Variants in MYH6 observed in about 807,000 individuals in gnomAD.
The protein encoded by MYH6 is myosin heavy chain 6.
MYH6 carries 126 observed loss-of-function variants against 223.2 expected under a neutral mutation model. The ratio of observed to expected loss-of-function variants is 0.56; its 90% CI spans 0.49 to 0.65. The LOEUF is 0.65. MYH6 is among the 30% of genes least tolerant of loss of function. The probability of loss-of-function intolerance (pLI) is 0.00; values close to 1 mark genes in which losing one functional copy is unlikely to be tolerated. For missense variants in MYH6, 2,040 were observed against 2,536.4 expected, an observed-to-expected ratio of 0.80 and a Z score of 4.20; for synonymous variants, 978 against 1,010.2, an observed-to-expected ratio of 0.97 and a Z score of 0.61.
rs570619225 is a variant in MYH6 at position 23,388,465 on chromosome 14, G to A, written c.4176-127C>T. On this transcript the variant is annotated intron_variant, in intron 29 of 38. Coordinates refer to ENST00000405093, the MANE Select transcript of MYH6 (RefSeq NM_002471.4). ...CCGTAAGTCCAGCCTAGCAGGAGCT[G>A]AGCCTGCTCATGCCTGGAACAGAGT... 1.1e-5 allele frequency: 16 copies of A among 1,452,150 alleles called. No homozygotes were observed. The African/African-American group carries it at 2.1e-4, about 19-fold the overall frequency. The allele number at this position is 1,452,150 out of a possible 1,614,324, so 90.0% of individuals were successfully genotyped here. A position where few individuals can be genotyped will look rare whatever the true frequency, so the allele number is the denominator to read the frequency against.
chr14:23,397,641 C>G (rs1177453457), intron 15 of MYH6, 28 bp from the exon 16 acceptor site: 3 of 1,612,120 alleles, frequency 1.9e-6, no homozygotes, highest in African/African-American at 1.3e-5. Flanking sequence ...AAATAATCAA[C>G]AGGAGCTGGA....
chr14:23,389,991 A>T, intron 26 of MYH6, 66 bp downstream of exon 26: 1 of 1,612,810 alleles, frequency 6.2e-7, no homozygotes, highest in Non-Finnish European at 8.5e-7. Context: ...GCAGACAGAG[A>T]GAGAAGGCAT....
chr14:23,398,868 G>A lies in MYH6; in HGVS notation c.1751C>T (p.Ala584Val). The change falls in exon 15 of 39, where the codon GCC becomes GTC. Residue 584 changes from alanine (A) to valine (V), a missense_variant. Coordinates refer to ENST00000405093, the MANE Select transcript of MYH6 (RefSeq NM_002471.4). The part of the protein sequence containing the change: ...QEAHFSLIHY[A>V]GTVDYNILGW... ...CAGGATGTTGTAGTCCACAGTGCCG[G>A]CGTAGTGGATCAGGGAGAAGTGGGC... 2 of 1,614,122 alleles carry A rather than the reference G, an allele frequency of 1.2e-6. No homozygotes were observed. Among genetic ancestry groups the A allele is most frequent in the Non-Finnish European group, 1.7e-6 (2 of 1,180,036 alleles).
At chr14:23,388,405 C>T in intron 29 of MYH6, 67 bp from the exon 30 acceptor site, 1 of 1,585,398 alleles carries the variant, frequency 6.3e-7, no homozygotes, top group South Asian at 1.1e-5. Flanking sequence ...TTGGGTGGAC[C>T]TCCTTCCACC....
chr14:23,389,148 G>T (rs1595052690), intron 28 of MYH6, 93 bp from the exon 29 acceptor site: 2 of 1,422,842 alleles, frequency 1.4e-6, no homozygotes, highest in Non-Finnish European at 1.9e-6. Context: ...ACCAAGCCCA[G>T]CCTTATTCAC....
rs1221607900 is a variant in MYH6, at chr14:23,394,283, T to C, written c.2470A>G (p.Met824Val). 1.9e-6 allele frequency: 3 copies of C among 1,614,194 alleles called. No homozygotes were observed. The highest frequency in any genetic ancestry group is 1.7e-5 in the Admixed American group (1 of 60,016). ...LVIQWNIRAFMGVKNWPWMKL... is the reference protein window; with the variant it reads ...LVIQWNIRAFVGVKNWPWMKL... ...ATCCAGGGCCAATTCTTGACCCCCA[T>C]GAAGGCCCGAATGTTCCACTGGATT... Residue 824 changes from methionine (M) to valine (V), a missense_variant, in exon 21 of 39, where the codon ATG (methionine) becomes GTG (valine). Physicochemically the swap from Met to Val is conservative, Grantham distance 21. Transcript: ENST00000405093.
At chr14:23,403,320 G>A in intron 10 of MYH6, 28 bp downstream of exon 10, 1 of 1,585,752 alleles carries the variant, frequency 6.3e-7, no homozygotes, top group Non-Finnish European at 8.7e-7. Context: ...AGGGACAGCA[G>A]TGGGTGGGGG....
In MYH6 at chr14:23,397,070, G is replaced by C. The variant is rs1215622115; in HGVS notation, c.2061C>G (p.Asp687Glu). 2 of 1,614,202 alleles carry C rather than the reference G, an allele frequency of 1.2e-6. No homozygotes were observed. Among genetic ancestry groups the C allele is most frequent in the Admixed American group, 3.3e-5 (2 of 60,036 alleles). Reference sequence around the variant, plus strand: ...GCAGCTGGTGCATGACCAGGGGGTTGTCCATCACCCCTGTGTCAGGAGGGA... The same window carrying C: ...GCAGCTGGTGCATGACCAGGGGGTTCTCCATCACCCCTGTGTCAGGAGGGA... ...PNERKAPGVM[D>E]NPLVMHQLRC... Residue 687 changes from aspartate to glutamate, a missense_variant, in exon 18 of 39, where the codon GAC becomes GAG. By Grantham distance (45) the Asp-to-Glu change is conservative. Around this residue, in one of 4 missense-constraint regions of MYH6, gnomAD observed 649 missense variants for 877.3 expected, o/e 0.74. Coordinates refer to ENST00000405093, the MANE Select transcript of MYH6 (RefSeq NM_002471.4).
chr14:23,403,847 A>G (rs191670514), intron 8 of MYH6, 69 bp from the exon 9 acceptor site: 4 of 1,339,442 alleles, frequency 3.0e-6, no homozygotes, highest in Non-Finnish European at 4.2e-6. Context: ...CCCTCTGTTC[A>G]GCCCAGAAGC....
In MYH6 at chr14:23,389,491, C is replaced by T; in HGVS notation, c.3880G>A (p.Glu1294Lys). The change falls in exon 28 of 39, where the codon GAG becomes AAG. Residue 1294 changes from glutamate (E) to lysine (K), a missense_variant. Glu to Lys is a moderately conservative substitution (Grantham distance 56). Around this residue, in one of 4 missense-constraint regions of MYH6, gnomAD observed 1,203 missense variants for 1,400.2 expected, o/e 0.86. Transcript: ENST00000405093. ...TGCGAGATTAGCGCCTCCTTTTCCT[C>T]TAGCTGCCGGGCCAACTCTCCTGGA... ...TENGELARQL[E>K]EKEALISQLT... 3 of 1,614,144 alleles carry T rather than the reference C, an allele frequency of 1.9e-6. No individual in the cohort carries two copies. In the South Asian group the frequency reaches 3.3e-5, roughly 18 times the overall value.
At chr14:23,383,193 T>C in intron 37 of MYH6, 32 bp downstream of exon 37, 7 of 1,563,916 alleles carry the variant, frequency 4.5e-6, no homozygotes, top group Non-Finnish European at 6.2e-6. Context: ...GTAGGTGTGT[T>C]GATGAGAAAG....
Position 23,388,854 on chromosome 14 carries a change from C to T in MYH6, c.4175+5G>A, listed in dbSNP as rs1428993411. 2.5e-6 allele frequency: 4 copies of T among 1,613,730 alleles called. No individual in the cohort carries two copies. In the African/African-American group the frequency reaches 5.3e-5, roughly 22 times the overall value. ...AGTCAGGTTAAGGGGGTATCTGGAGCTCACTTGGCCTCTTCGAGCTCCTCA... is the reference window on the plus strand; with the variant it reads ...AGTCAGGTTAAGGGGGTATCTGGAGTTCACTTGGCCTCTTCGAGCTCCTCA... On this transcript the variant is annotated splice_donor_5th_base_variant and intron_variant, in intron 29 of 38. Transcript: ENST00000405093.
intron 7 of MYH6, 70 bp from the exon 8 acceptor site, chr14:23,404,458 G>A: frequency 6.4e-7 from 1 of 1,551,276 alleles, no homozygotes. Flanking sequence ...AGGGCAGGGA[G>A]GCTGCCCTGG....
At chr14:23,394,466 G>T in intron 20 of MYH6, 143 bp from the exon 21 acceptor site, 3 of 1,122,882 alleles carry the variant, frequency 2.7e-6, no homozygotes, top group Non-Finnish European at 1.2e-6. Context: ...ACATGGAGTT[G>T]CTTGATAAAT....
chr14:23,408,266 GTC>G lies in MYH6; in HGVS notation c.-62_-61del, dbSNP rs1218275350. On this transcript the variant is annotated 5_prime_UTR_variant, in exon 1 of 39. Transcript: ENST00000405093. ...ACCTCCTCTTACCTGGGCCGCAGGA[GTC>G]TCTCTATCTGTCCTCAAAGCTCCAG... The G allele has an allele frequency of 1.4e-5, 14 of 985,344 alleles. No homozygotes were observed. Among genetic ancestry groups the G allele is most frequent in the African/African-American group, 1.7e-5 (1 of 57,242 alleles). The allele number at this position is 985,344 out of a possible 1,614,324, so 61.0% of individuals were successfully genotyped here.
At position 23,386,068 on chromosome 14, in the gene MYH6, T is replaced by C. The variant is rs766549147; in HGVS notation, c.5023A>G (p.Ile1675Val). ...AGCAGGTTGTTGCGCCGCTCCACGA[T>C]GGCGATGTTCTCCTTCAGGTCGTCG... ...ANDDLKENIA[I>V]VERRNNLLQA... The change falls in exon 34 of 39, where the codon ATC becomes GTC. Residue 1675 changes from isoleucine (I) to valine (V), a missense_variant. By Grantham distance (29) the Ile-to-Val change is conservative. Around this residue, in one of 4 missense-constraint regions of MYH6, gnomAD observed 1,203 missense variants for 1,400.2 expected, o/e 0.86. Coordinates refer to ENST00000405093, the MANE Select transcript of MYH6 (RefSeq NM_002471.4). 5 of 1,614,092 alleles carry C rather than the reference T, an allele frequency of 3.1e-6. No homozygotes were observed. Among genetic ancestry groups the C allele is most frequent in the Middle Eastern group, 1.6e-4 (1 of 6,084 alleles).
intron 8 of MYH6, 79 bp from the exon 9 acceptor site, chr14:23,403,857 C>T: frequency 1.2e-5 from 15 of 1,294,348 alleles, no homozygotes; most frequent in Non-Finnish European, 1.6e-5. Flanking sequence ...AGCCCAGAAG[C>T]CCTGGATGGT....
intron 32 of MYH6, among the ~76,000 whole-genome samples, chr14:23,386,994 A>G (rs1405515570): frequency 1.3e-5 from 2 of 152,208 alleles, no homozygotes; most frequent in Admixed American, 1.3e-4. Context: ...TTAGAAGCCC[A>G]GAAAACTCAG....
chr14:23,389,353 G>A (rs1566507688), intron 28 of MYH6, 40 bp downstream of exon 28: 1 of 1,599,634 alleles, frequency 6.3e-7, no homozygotes. Context: ...TTGCCCCAGG[G>A]CTGCCATCAA....
Sources: gnomAD v4.1 joint callset for allele counts (sites outside exome capture counted in the v4.1 genomes callset) on GRCh38, gnomAD v4.1.1 for gene constraint, gnomAD v4.1.1 regional missense constraint, MANE v1.5 for transcripts, NCBI Gene and HGNC (gene_info 2026-07-23, HGNC 2026-07-21) for gene names.